Variants in ODR4 observed in about 807,000 individuals in gnomAD.
ODR4 encodes the protein odr-4 GPCR localization factor homolog, also known as protein odr-4 homolog.
ODR4 carries 47 observed loss-of-function variants against 60.2 expected under a neutral mutation model. The ratio of observed to expected loss-of-function variants is 0.78; its 90% confidence interval spans 0.62 to 1.00. ODR4 has a LOEUF of 1.00. ODR4 is among the 50% of genes least tolerant of loss of function. The pLI is 0.00. For synonymous variants in ODR4, 178 were observed against 175.5 expected, an observed-to-expected ratio of 1.01 and a Z score of -0.11; for missense variants, 488 against 530.8, an observed-to-expected ratio of 0.92 and a Z score of 0.79.
intron 3 of ODR4, among the ~76,000 whole-genome samples, chr1:186,384,697 C>A (rs1362179707): frequency 6.6e-6 from 1 of 152,072 alleles, no homozygotes; most frequent in Non-Finnish European, 1.5e-5. Context: ...CTTGCTCTCA[C>A]CTCCATCTCC....
intron 12 of ODR4, among the ~76,000 whole-genome samples, chr1:186,412,058 CTGAG>C (rs1461246442): frequency 1.3e-5 from 2 of 152,056 alleles, no homozygotes; most frequent in African/African-American, 4.8e-5. Context: ...AAGTGAGTGA[CTGAG>C]TGAGTGAGTG....
chr1:186,386,151 G>A, intron 4 of ODR4, 68 bp downstream of exon 4: 1 of 854,866 alleles, frequency 1.2e-6, no homozygotes, highest in South Asian at 1.8e-5. Context: ...TTATGAGTAT[G>A]TGTAATGATT....
rs773058519 is a variant in ODR4 at position 186,398,359 on chromosome 1, G to A, written c.827G>A (p.Ser276Asn). The change falls in exon 10 of 14, where the codon AGC becomes AAC. Residue 276 changes from serine (S) to asparagine (N), a missense_variant. Transcript: ENST00000287859. ...HRSTATVQIC[S>N]GSVNLKGAVK... ...TCCACAGCCACAGTCCAGATATGTA[G>A]CGGTTCTGTAAACCTTAAGGGTGCT... The A allele has an allele frequency of 1.9e-6, 3 of 1,611,162 alleles. No homozygotes were observed. Among genetic ancestry groups the A allele is most frequent in the Non-Finnish European group, 2.5e-6 (3 of 1,178,364 alleles).
intron 8 of ODR4, among the ~76,000 whole-genome samples, chr1:186,393,412 TTC>T (rs1421432735): frequency 6.6e-6 from 1 of 152,258 alleles, no homozygotes; most frequent in Non-Finnish European, 1.5e-5. Flanking sequence ...CCACATGTTG[TTC>T]TGCCCTGATG....
At chr1:186,402,175 T>C (rs1660986742) in intron 11 of ODR4, among the ~76,000 whole-genome samples, 1 of 147,848 alleles carries the variant, frequency 6.8e-6, no homozygotes. Context: ...CAAATAACTT[T>C]ATAGGCATCC....
chr1:186,418,988 C>T (rs1198340444), intron 13 of ODR4, 21 bp from the exon 14 acceptor site: 1 of 1,590,382 alleles, frequency 6.3e-7, no homozygotes, highest in East Asian at 2.2e-5. Flanking sequence ...TTCATTTGTT[C>T]TGTGTTTGTT....
chr1:186,386,685 A>G (rs1041946514), intron 4 of ODR4, among the ~76,000 whole-genome samples: 1 of 152,174 alleles, frequency 6.6e-6, no homozygotes, highest in Admixed American at 6.6e-5. Context: ...AATGCTTTAA[A>G]CAGTTTTTCT....
chr1:186,433,530 G>A, the ODR4 span, among the ~76,000 whole-genome samples: 6 of 151,942 alleles, frequency 3.9e-5, no homozygotes, highest in African/African-American at 1.4e-4. Context: ...TGTTGGAGGT[G>A]GAAAAGTGGC....
At chr1:186,376,100 C>T (rs1309669769) in intron 1 of ODR4, 126 bp downstream of exon 1, 1 of 152,030 alleles carries the variant, frequency 6.6e-6, no homozygotes, top group Non-Finnish European at 1.5e-5. Flanking sequence ...TTCTGACGAA[C>T]TTACCTTGTG....
downstream of ODR4, among the ~76,000 whole-genome samples, chr1:186,424,427 T>C (rs2102110140): frequency 6.6e-6 from 1 of 152,300 alleles, no homozygotes; most frequent in East Asian, 1.9e-4. Context: ...CATAAAACAA[T>C]ATTAGTGATA....
At chr1:186,397,533 A>G (rs545307572) in intron 9 of ODR4, among the ~76,000 whole-genome samples, 19 of 152,070 alleles carry the variant, frequency 1.2e-4, no homozygotes, top group Non-Finnish European at 2.4e-4. Flanking sequence ...TAGATTTTGT[A>G]ATATTTGCAG....
At chr1:186,412,097 TGTATTA>T (rs1661401151) in intron 12 of ODR4, among the ~76,000 whole-genome samples, 1 of 152,172 alleles carries the variant, frequency 6.6e-6, no homozygotes, top group African/African-American at 2.4e-5. Flanking sequence ...CTGCCTATTA[TGTATTA>T]GGATTCTACA....
chr1:186,398,675 TTATACA>T (rs1315182693), intron 10 of ODR4, among the ~76,000 whole-genome samples: 11 of 152,214 alleles, frequency 7.2e-5, no homozygotes, highest in African/African-American at 2.7e-4. Flanking sequence ...TGTTCCACTG[TTATACA>T]TATTAGTATC....
intron 9 of ODR4, among the ~76,000 whole-genome samples, chr1:186,396,959 G>T (rs117655715): frequency 6.6e-6 from 1 of 152,190 alleles, no homozygotes; most frequent in East Asian, 1.9e-4. Flanking sequence ...ATGTATCAAT[G>T]AACTCTACAT....
intron 11 of ODR4, chr1:186,401,258 AT>A: frequency 7.7e-7 from 1 of 1,296,578 alleles, no homozygotes; most frequent in African/African-American, 1.5e-5. Context: ...AACTTGATAC[AT>A]TTAGAAGTTA....
chr1:186,398,915 T>G, intron 10 of ODR4, 39 bp from the exon 11 acceptor site: 1 of 1,429,862 alleles, frequency 7.0e-7, no homozygotes, highest in Non-Finnish European at 9.6e-7. Context: ...CTAAAGTATT[T>G]TATTTCTTAC....
intron 12 of ODR4, chr1:186,411,817 A>C: frequency 1.0e-6 from 1 of 953,466 alleles, no homozygotes; most frequent in Non-Finnish European, 1.2e-6. Flanking sequence ...ACAGTCTAGT[A>C]TAGAGATGGA....
rs568597574 is a variant in ODR4, at chr1:186,387,888, A to G, written c.331-554A>G. Among the ~76,000 whole-genome samples the G allele has an allele frequency of 7.2e-5, 11 of 152,238 alleles. No homozygotes were observed. The South Asian group carries it at 2.3e-3, about 32-fold the overall frequency. On this transcript the variant is annotated intron_variant, in intron 4 of 13. Transcript: ENST00000287859. ...ATCTCACTATTCTACTTTAACTTTCAATTTGTTATTACTATATTTTATATG... is the reference window on the plus strand; with the variant it reads ...ATCTCACTATTCTACTTTAACTTTCGATTTGTTATTACTATATTTTATATG...
rs1461456665 is a variant in ODR4, at chr1:186,420,252, T to G, written c.*1176T>G. 6.6e-6 allele frequency: 1 copy of G among 152,154 alleles called. No individual in the cohort carries two copies. The highest frequency in any genetic ancestry group is 1.5e-5 in the Non-Finnish European group (1 of 68,036). The allele number at this position is 152,154 out of a possible 1,614,324, so 9.4% of individuals were successfully genotyped here. On this transcript the variant is annotated 3_prime_UTR_variant, in exon 14 of 14. Coordinates refer to ENST00000287859, the MANE Select transcript of ODR4 (RefSeq NM_017847.6). ...CCAATAGCAACATTGTCATATGCAG[T>G]TTGCCTCAAATCAGAAACAAGAAGA...
Sources: allele counts gnomAD v4.1 joint callset (sites outside exome capture counted in the v4.1 genomes callset), GRCh38; gene constraint gnomAD v4.1.1; transcripts MANE v1.5; gene names NCBI Gene and HGNC (gene_info 2026-07-23, HGNC 2026-07-21).